THADA: variants seen among roughly 807,000 people sequenced by gnomAD.
THADA encodes the protein THADA armadillo repeat containing.
A neutral mutation model predicts 219.8 loss-of-function variants in THADA; 213 were observed. The ratio of observed to expected loss-of-function variants is 0.97; its 90% CI spans 0.87 to 1.09. The LOEUF (loss-of-function observed/expected upper bound fraction) is 1.09. Ranked by LOEUF, THADA falls within the 50% of genes least tolerant of loss-of-function variation. The probability of loss-of-function intolerance (pLI) is 0.00; values close to 1 mark genes in which losing one functional copy is unlikely to be tolerated. For missense variants in THADA, 2,956 were observed against 2,311.3 expected, an observed-to-expected ratio of 1.28 and a Z score of -5.72; for synonymous variants, 1,018 against 828.9, an observed-to-expected ratio of 1.23 and a Z score of -3.92.
intron 31 of THADA, among the ~76,000 whole-genome samples, chr2:43,301,043 C>A (rs924940714): frequency 6.6e-6 from 1 of 152,118 alleles, no homozygotes; most frequent in Non-Finnish European, 1.5e-5. Flanking sequence ...TGCCTGAATC[C>A]CACTCTTGTA....
At chr2:43,413,094 G>A (rs921944307) in intron 28 of THADA, among the ~76,000 whole-genome samples, 1 of 152,050 alleles carries the variant, frequency 6.6e-6, no homozygotes, top group Non-Finnish European at 1.5e-5. Flanking sequence ...TTGAAATAGG[G>A]TTATTTTCTT....
At chr2:43,513,340 C>G (rs1451593265) in intron 22 of THADA, among the ~76,000 whole-genome samples, 1 of 152,150 alleles carries the variant, frequency 6.6e-6, no homozygotes, top group East Asian at 1.9e-4. Flanking sequence ...AACCCCAAAA[C>G]CAGCTGAGTC....
At chr2:43,381,797 C>G (rs1394411993) in intron 29 of THADA, among the ~76,000 whole-genome samples, 1 of 152,084 alleles carries the variant, frequency 6.6e-6, no homozygotes, top group Non-Finnish European at 1.5e-5. Flanking sequence ...GTTGGCCATG[C>G]TGGTCTCAAA....
At chr2:43,393,376 A>C (rs1040438843) in intron 29 of THADA, among the ~76,000 whole-genome samples, 16 of 152,196 alleles carry the variant, frequency 1.1e-4, no homozygotes, top group Non-Finnish European at 2.4e-4. Flanking sequence ...GAGGCAGCAC[A>C]TTCTAAAGAA....
chr2:43,531,473 T>A (rs1693859322), intron 21 of THADA, among the ~76,000 whole-genome samples: 1 of 152,166 alleles, frequency 6.6e-6, no homozygotes, highest in South Asian at 2.1e-4. Context: ...AGGACAAGGC[T>A]ACAAGGAAGA....
At chr2:43,285,020 C>T (rs1392331749) in intron 35 of THADA, among the ~76,000 whole-genome samples, 1 of 152,262 alleles carries the variant, frequency 6.6e-6, no homozygotes, top group Non-Finnish European at 1.5e-5. Context: ...TACCCACCAC[C>T]TGTACCCCCA....
intron 36 of THADA, among the ~76,000 whole-genome samples, chr2:43,268,641 C>T (rs1007876310): frequency 1.3e-5 from 2 of 152,238 alleles, no homozygotes; most frequent in Non-Finnish European, 2.9e-5. Context: ...ACCCTTTACG[C>T]CTCCTTGGAT....
chr2:43,420,839 T>C (rs1677619411), intron 28 of THADA, among the ~76,000 whole-genome samples: 2 of 152,238 alleles, frequency 1.3e-5, no homozygotes, highest in Non-Finnish European at 2.9e-5. Flanking sequence ...CATAATTTCA[T>C]ACTACATGCT....
At chr2:43,534,201 T>C (rs1451142263) in intron 21 of THADA, among the ~76,000 whole-genome samples, 3 of 152,166 alleles carry the variant, frequency 2.0e-5, no homozygotes, top group Non-Finnish European at 4.4e-5. Flanking sequence ...TCTTTTTCAT[T>C]GACAAATAAT....
At chr2:43,337,555 G>C (rs72877394) in intron 30 of THADA, among the ~76,000 whole-genome samples, 57 of 152,216 alleles carry the variant, frequency 3.7e-4, no homozygotes, top group African/African-American at 1.3e-3. Context: ...GGTCTCTCAC[G>C]CACTGTTGGT....
At chr2:43,324,717 TC>T (rs1444783760) in intron 30 of THADA, among the ~76,000 whole-genome samples, 1 of 152,188 alleles carries the variant, frequency 6.6e-6, no homozygotes, top group African/African-American at 2.4e-5. Flanking sequence ...AGAGGTTTGT[TC>T]TCAGTCTGTC....
chr2:43,566,681 CATT>C lies in THADA; in HGVS notation c.2311+14_2311+16del. On this transcript the variant is annotated intron_variant, in intron 15 of 37. Coordinates refer to ENST00000405975, the MANE Select transcript of THADA (RefSeq NM_022065.5). Reference sequence around the variant, plus strand: ...AGAAAACAAAAATTACTTCCCCTAACATTATTAAACACTTACCTTCTGGGACAT... The same window carrying C: ...AGAAAACAAAAATTACTTCCCCTAACATTAAACACTTACCTTCTGGGACAT... 7 of 1,608,864 alleles carry C rather than the reference CATT, an allele frequency of 4.4e-6. No homozygotes were observed. The highest frequency in any genetic ancestry group is 5.9e-6 in the Non-Finnish European group (7 of 1,178,250).
At chr2:43,245,886 CTT>C (rs1351839832) in intron 36 of THADA, among the ~76,000 whole-genome samples, 1 of 152,072 alleles carries the variant, frequency 6.6e-6, no homozygotes, top group Non-Finnish European at 1.5e-5. Context: ...CTCTTGAGGA[CTT>C]TAACATTACT....
At chr2:43,513,552 G>A (rs1217822704) in intron 22 of THADA, among the ~76,000 whole-genome samples, 2 of 152,152 alleles carry the variant, frequency 1.3e-5, no homozygotes, top group South Asian at 4.1e-4. Context: ...AAAGCCAAGG[G>A]CACAGGGGGC....
rs985754399 is a variant in THADA, at chr2:43,320,308, GAC to G, written c.4438+136_4438+137del. On this transcript the variant is annotated intron_variant, in intron 31 of 37. Transcript: ENST00000405975. The stretch of plus-strand genomic sequence containing the variant: ...ACAAACTTCTATGAGGGAACTATAT[GAC>G]ACTGTTTAATTTTGATGTGTGGTTA... 8.3e-6 allele frequency: 5 copies of G among 599,340 alleles called. No homozygotes were observed. The African/African-American group carries it at 9.3e-5, about 11-fold the overall frequency. The allele number at this position is 599,340 out of a possible 1,614,324, so 37.1% of individuals were successfully genotyped here. A position where few individuals can be genotyped will look rare whatever the true frequency, so the allele number is the denominator to read the frequency against.
chr2:43,585,521 G>GAA lies in THADA; in HGVS notation c.533+878_533+879dup, dbSNP rs71410186. On this transcript the variant is annotated intron_variant, in intron 7 of 37. Transcript: ENST00000405975. ...TAACAGAATGAGACCCTGTCACAAA[G>GAA]AAAAAAAAATGTAGATAGATAGATA... is the stretch of plus-strand genomic sequence containing the variant. 1.1e-3 allele frequency among the ~76,000 whole-genome samples: 160 copies of GAA among 144,292 alleles called. 2 individuals carry two copies. The highest frequency in any genetic ancestry group is 3.8e-3 in the African/African-American group (147 of 38,622). 94.7% of individuals were successfully genotyped at this position (144,292 alleles called of 152,430 possible).
intron 9 of THADA, among the ~76,000 whole-genome samples, chr2:43,577,649 A>G (rs924598657): frequency 6.6e-6 from 1 of 152,186 alleles, no homozygotes; most frequent in Non-Finnish European, 1.5e-5. Flanking sequence ...TAAAAAGATA[A>G]AATAAGTTTC....
At chr2:43,506,403 T>G (rs1344873815) in intron 23 of THADA, among the ~76,000 whole-genome samples, 2 of 152,170 alleles carry the variant, frequency 1.3e-5, no homozygotes, top group African/African-American at 2.4e-5. Flanking sequence ...TAAAAAGGAA[T>G]GAGGTACTAA....
intron 31 of THADA, among the ~76,000 whole-genome samples, chr2:43,301,774 C>T (rs1676291296): frequency 6.6e-6 from 1 of 152,190 alleles, no homozygotes; most frequent in South Asian, 2.1e-4. Context: ...GACCTAGGTA[C>T]AGCAGGGATT....
Sources: gnomAD v4.1 joint callset for allele counts (sites outside exome capture counted in the v4.1 genomes callset) on GRCh38, gnomAD v4.1.1 for gene constraint, MANE v1.5 for transcripts, NCBI Gene and HGNC (gene_info 2026-07-23, HGNC 2026-07-21) for gene names.